PTPRD: variants seen among roughly 807,000 people sequenced by gnomAD.
PTPRD encodes the protein protein tyrosine phosphatase receptor type D.
Under a neutral mutation model 214.5 loss-of-function variants are expected in PTPRD, and 34 were observed. The observed-to-expected ratio is 0.16, with a 90% CI of 0.12 to 0.21. The LOEUF (loss-of-function observed/expected upper bound fraction) is 0.21. Ranked by LOEUF, PTPRD falls within the 10% of genes least tolerant of loss-of-function variation. The pLI, the probability that PTPRD is intolerant of heterozygous loss-of-function variation, is 1.00. For synonymous variants in PTPRD, 1,128 were observed against 845.7 expected, an observed-to-expected ratio of 1.33 and a Z score of -5.79; for missense variants, 2,545 against 2,398.7, an observed-to-expected ratio of 1.06 and a Z score of -1.27.
chr9:9,512,741 G>T (rs765737532), intron 8 of PTPRD, among the ~76,000 whole-genome samples: 6 of 151,334 alleles, frequency 4.0e-5, no homozygotes, highest in Non-Finnish European at 8.9e-5. Context: ...ACATATCTGT[G>T]GCCACAGGGA....
chr9:9,276,285 AAG>A (rs1291167980), intron 9 of PTPRD, among the ~76,000 whole-genome samples: 2 of 151,394 alleles, frequency 1.3e-5, no homozygotes, highest in Non-Finnish European at 3.0e-5. Flanking sequence ...TTCTTTAACT[AAG>A]AGAGCAGAAG....
At chr9:8,904,873 T>C (rs1195541534) in intron 11 of PTPRD, among the ~76,000 whole-genome samples, 1 of 152,206 alleles carries the variant, frequency 6.6e-6, no homozygotes, top group Non-Finnish European at 1.5e-5. Flanking sequence ...AATTTCATGT[T>C]TCTGATATAT....
chr9:9,957,536 A>G (rs1258554346), intron 4 of PTPRD, among the ~76,000 whole-genome samples: 1 of 152,176 alleles, frequency 6.6e-6, no homozygotes, highest in Non-Finnish European at 1.5e-5. Flanking sequence ...AGGAAAGCAG[A>G]AAGAATACTT....
intron 10 of PTPRD, among the ~76,000 whole-genome samples, chr9:9,145,122 T>C (rs902878973): frequency 1.3e-5 from 2 of 152,238 alleles, no homozygotes; most frequent in Non-Finnish European, 2.9e-5. Context: ...GTGGCTTATA[T>C]ACTGTTTTTC....
At chr9:8,594,003 T>C (rs1210804070) in intron 14 of PTPRD, among the ~76,000 whole-genome samples, 1 of 152,202 alleles carries the variant, frequency 6.6e-6, no homozygotes, top group African/African-American at 2.4e-5. Flanking sequence ...CATATACTAC[T>C]GATATGAGTG....
intron 5 of PTPRD, among the ~76,000 whole-genome samples, chr9:9,782,489 C>T (rs183975470): frequency 6.8e-4 from 104 of 152,202 alleles, no homozygotes; most frequent in African/African-American, 2.5e-3. Flanking sequence ...AACTGATTAA[C>T]TGAGGAAAGA....
chr9:9,551,892 G>A (rs985931208), intron 8 of PTPRD, among the ~76,000 whole-genome samples: 1 of 151,844 alleles, frequency 6.6e-6, no homozygotes, highest in Non-Finnish European at 1.5e-5. Flanking sequence ...ATCTCTCAGT[G>A]AGTTTGAATT....
intron 3 of PTPRD, among the ~76,000 whole-genome samples, chr9:10,058,488 G>A (rs1043864754): frequency 6.6e-6 from 1 of 151,942 alleles, no homozygotes; most frequent in Non-Finnish European, 1.5e-5. Flanking sequence ...CAATCTTCAA[G>A]TTATCCCAAA....
intron 2 of PTPRD, among the ~76,000 whole-genome samples, chr9:10,525,955 A>G (rs888493683): frequency 1.3e-5 from 2 of 152,104 alleles, no homozygotes; most frequent in Non-Finnish European, 2.9e-5. Context: ...TCATGCGGTT[A>G]TTTACATTTA....
At chr9:10,515,819 G>A (rs545307859) in intron 2 of PTPRD, among the ~76,000 whole-genome samples, 51 of 151,924 alleles carry the variant, frequency 3.4e-4, no homozygotes, top group Admixed American at 2.9e-3. Flanking sequence ...TTCATACCTT[G>A]GAATCATGCA....
At chr9:8,994,709 C>G (rs1415161917) in intron 11 of PTPRD, among the ~76,000 whole-genome samples, 3 of 151,236 alleles carry the variant, frequency 2.0e-5, no homozygotes, top group African/African-American at 7.3e-5. Flanking sequence ...TGAGGGAAGG[C>G]AAGGGAAAAA....
chr9:8,657,611 G>C (rs989852863), intron 12 of PTPRD, among the ~76,000 whole-genome samples: 1 of 152,156 alleles, frequency 6.6e-6, no homozygotes, highest in Non-Finnish European at 1.5e-5. Context: ...CTGGATAATA[G>C]TTTCTTTTGC....
chr9:10,210,718 G>C (rs1299070483), intron 3 of PTPRD, among the ~76,000 whole-genome samples: 1 of 142,402 alleles, frequency 7.0e-6, no homozygotes, highest in African/African-American at 2.6e-5. Context: ...GAAGTTGTTT[G>C]ATTTTATATA....
At chr9:10,159,543 G>A (rs939250179) in intron 3 of PTPRD, among the ~76,000 whole-genome samples, 2 of 152,006 alleles carry the variant, frequency 1.3e-5, no homozygotes, top group African/African-American at 4.8e-5. Context: ...TCACAAGACA[G>A]TAATATATGA....
chr9:8,607,366 C>T (rs959337613), intron 14 of PTPRD, among the ~76,000 whole-genome samples: 5 of 152,164 alleles, frequency 3.3e-5, no homozygotes, highest in Admixed American at 2.0e-4. Context: ...GGAATAGGGC[C>T]GGGTGCGGTG....
intron 4 of PTPRD, among the ~76,000 whole-genome samples, chr9:9,955,511 G>GTT (rs2093829417): frequency 7.0e-6 from 1 of 143,328 alleles, no homozygotes; most frequent in African/African-American, 2.6e-5. Flanking sequence ...CGTTTTTTTT[G>GTT]TTTTGTTTTG....
At position 8,457,549 on chromosome 9, in the gene PTPRD, T is replaced by C. The variant is rs146170411; in HGVS notation, c.3875+2862A>G. ...GAACAGAATGCCAGATCAAAGAGTATGCCATTTCCACATGAATAGATCTAA... is the reference window on the plus strand; with the variant it reads ...GAACAGAATGCCAGATCAAAGAGTACGCCATTTCCACATGAATAGATCTAA... On this transcript the variant is annotated intron_variant, in intron 33 of 45. Transcript: ENST00000381196. 1.3e-3 allele frequency among the ~76,000 whole-genome samples: 193 copies of C among 152,158 alleles called. 1 individual carries two copies. Among genetic ancestry groups the C allele is most frequent in the African/African-American group, 4.3e-3 (179 of 41,534 alleles).
intron 2 of PTPRD, among the ~76,000 whole-genome samples, chr9:10,550,372 G>A (rs979671547): frequency 5.9e-5 from 9 of 152,192 alleles, no homozygotes; most frequent in Non-Finnish European, 1.0e-4. Context: ...TTTCCTTTAA[G>A]CAGAGTCTGA....
intron 3 of PTPRD, among the ~76,000 whole-genome samples, chr9:10,200,463 G>A (rs893241205): frequency 6.6e-6 from 1 of 152,074 alleles, no homozygotes; most frequent in East Asian, 1.9e-4. Flanking sequence ...CAGTCCCCAA[G>A]AAGAAAGAAT....
Sources: allele counts gnomAD v4.1 joint callset (sites outside exome capture counted in the v4.1 genomes callset), GRCh38; gene constraint gnomAD v4.1.1; transcripts MANE v1.5; gene names NCBI Gene and HGNC (gene_info 2026-07-23, HGNC 2026-07-21).